GTF2E1: variants seen among roughly 807,000 people sequenced by gnomAD.
The protein encoded by GTF2E1 is TFIIE alpha subunit.
In GTF2E1, 14 loss-of-function variants were observed where a neutral mutation model predicts 34.9. That is an observed-to-expected ratio of 0.40 (90% CI 0.27 to 0.63). GTF2E1 has a LOEUF of 0.63. Ranked by LOEUF, GTF2E1 falls within the 20% of genes least tolerant of loss-of-function variation. GTF2E1 has a pLI of 0.39. For synonymous variants in GTF2E1, 188 were observed against 192.9 expected, an observed-to-expected ratio of 0.97 and a Z score of 0.21; for missense variants, 469 against 557.7, an observed-to-expected ratio of 0.84 and a Z score of 1.60.
intron 2 of GTF2E1, among the ~76,000 whole-genome samples, chr3:120,767,202 T>C (rs950991014): frequency 5.9e-5 from 9 of 152,160 alleles, no homozygotes; most frequent in African/African-American, 2.2e-4. Context: ...TCTCACATGT[T>C]ATGCATGTCT....
chr3:120,756,229 A>G (rs1709208108), intron 2 of GTF2E1, among the ~76,000 whole-genome samples: 1 of 152,212 alleles, frequency 6.6e-6, no homozygotes, highest in South Asian at 2.1e-4. Context: ...TCCCACCAAC[A>G]GTGTACGACA....
intron 2 of GTF2E1, among the ~76,000 whole-genome samples, chr3:120,755,848 T>G (rs1015807242): frequency 3.3e-5 from 5 of 152,158 alleles, no homozygotes; most frequent in African/African-American, 9.7e-5. Context: ...TCCCACAGAT[T>G]AGTGAGAAGG....
At chr3:120,768,079 A>AT (rs1179968077) in intron 2 of GTF2E1, among the ~76,000 whole-genome samples, 3 of 152,286 alleles carry the variant, frequency 2.0e-5, no homozygotes, top group South Asian at 2.1e-4. Context: ...TTGGGAGGAC[A>AT]TTTTTTTAAA....
chr3:120,782,513 A>G lies in GTF2E1; in HGVS notation c.*1043A>G, dbSNP rs1301279636. The G allele has an allele frequency of 6.6e-6, 1 of 152,264 alleles. No individual in the cohort carries two copies. The highest frequency in any genetic ancestry group is 1.5e-5 in the Non-Finnish European group (1 of 68,044). The allele number at this position is 152,264 out of a possible 1,614,324, so 9.4% of individuals were successfully genotyped here. On this transcript the variant is annotated 3_prime_UTR_variant, in exon 5 of 5. Coordinates refer to ENST00000283875, the MANE Select transcript of GTF2E1 (RefSeq NM_005513.3). ...ACAAGAAGTCTCTGTGAAGGGTTGA[A>G]GAGTGACAAGCATTGGTAACAGTGC...
At chr3:120,772,275 T>C (rs1161582757) in intron 3 of GTF2E1, among the ~76,000 whole-genome samples, 1 of 152,174 alleles carries the variant, frequency 6.6e-6, no homozygotes. Flanking sequence ...AACCAGCAGC[T>C]GGCAAAGGAA....
At chr3:120,766,962 A>G (rs765289542) in intron 2 of GTF2E1, among the ~76,000 whole-genome samples, 1 of 152,122 alleles carries the variant, frequency 6.6e-6, no homozygotes, top group Non-Finnish European at 1.5e-5. Context: ...CTGCTGGTAT[A>G]TTAAACTGGT....
chr3:120,745,690 T>A (rs952202975), intron 1 of GTF2E1, among the ~76,000 whole-genome samples: 1 of 152,218 alleles, frequency 6.6e-6, no homozygotes, highest in African/African-American at 2.4e-5. Context: ...GGAAACAGGT[T>A]ATGTTGACAT....
chr3:120,749,032 T>C (rs973109569), intron 1 of GTF2E1, among the ~76,000 whole-genome samples: 7 of 152,354 alleles, frequency 4.6e-5, no homozygotes, highest in African/African-American at 1.7e-4. Flanking sequence ...GGGAGTTCAC[T>C]CATGATTTGG....
chr3:120,762,022 C>T (rs996266234), intron 2 of GTF2E1, among the ~76,000 whole-genome samples: 1 of 152,116 alleles, frequency 6.6e-6, no homozygotes, highest in African/African-American at 2.4e-5. Context: ...GATCTCCTGA[C>T]CTCGTGATCC....
At chr3:120,759,775 T>C (rs1241404242) in intron 2 of GTF2E1, among the ~76,000 whole-genome samples, 1 of 152,232 alleles carries the variant, frequency 6.6e-6, no homozygotes, top group Non-Finnish European at 1.5e-5. Context: ...TTCTGAGGCC[T>C]CTGTTCTGTT....
intron 3 of GTF2E1, among the ~76,000 whole-genome samples, chr3:120,775,085 C>T (rs16831653): frequency 0.011 from 1,668 of 152,130 alleles, 27 homozygotes; most frequent in African/African-American, 0.039. Flanking sequence ...GATACACGGA[C>T]ACAGACCTCA....
At chr3:120,759,653 A>G (rs192509475) in intron 2 of GTF2E1, among the ~76,000 whole-genome samples, 1 of 152,228 alleles carries the variant, frequency 6.6e-6, no homozygotes, top group Non-Finnish European at 1.5e-5. Context: ...AGCTTTCTAC[A>G]TAGGGCTAGC....
intron 2 of GTF2E1, among the ~76,000 whole-genome samples, chr3:120,767,874 C>T (rs1286480572): frequency 6.6e-6 from 1 of 152,000 alleles, no homozygotes; most frequent in Non-Finnish European, 1.5e-5. Flanking sequence ...AAATAAATTA[C>T]TCGAGTTAAA....
intron 1 of GTF2E1, among the ~76,000 whole-genome samples, chr3:120,744,005 T>A (rs1709082344): frequency 1.3e-5 from 2 of 152,088 alleles, no homozygotes; most frequent in Non-Finnish European, 2.9e-5. Flanking sequence ...ACAAAGGTCC[T>A]AGGAGGTCCC....
chr3:120,776,316 G>C, intron 3 of GTF2E1, 107 bp from the exon 4 acceptor site: 1 of 939,824 alleles, frequency 1.1e-6, no homozygotes, highest in Non-Finnish European at 1.6e-6. Context: ...TTGCTAGGTA[G>C]CATTTACATG....
chr3:120,776,792 G>C (rs776422995), intron 4 of GTF2E1, 128 bp downstream of exon 4: 48 of 753,982 alleles, frequency 6.4e-5, no homozygotes, highest in Non-Finnish European at 9.3e-5. Context: ...ATATTAGGAA[G>C]TAAGAAATTG....
chr3:120,752,730 A>G (rs1709176268), intron 2 of GTF2E1, among the ~76,000 whole-genome samples: 1 of 152,200 alleles, frequency 6.6e-6, no homozygotes, highest in South Asian at 2.1e-4. Context: ...GAGGGCATGA[A>G]AGTATTTTAT....
chr3:120,768,367 G>C (rs569078778), intron 2 of GTF2E1, among the ~76,000 whole-genome samples: 101 of 152,282 alleles, frequency 6.6e-4, no homozygotes, highest in African/African-American at 2.4e-3. Flanking sequence ...GAGTGTGCCT[G>C]ATGGGAGACA....
rs770348905 is a variant in GTF2E1 at position 120,770,720 on chromosome 3, C to G, written c.449-8C>G. ...CTCTCTGACCTGAGATACTTGTTTTCTCTGTAGGAACTTTCCGCTGTACTT... is the reference window on the plus strand; with the variant it reads ...CTCTCTGACCTGAGATACTTGTTTTGTCTGTAGGAACTTTCCGCTGTACTT... On this transcript the variant is annotated splice_region_variant and splice_polypyrimidine_tract_variant and intron_variant, in intron 2 of 4. Transcript: ENST00000283875. The G allele has an allele frequency of 6.2e-7, 1 of 1,608,854 alleles. No homozygotes were observed. Among genetic ancestry groups the G allele is most frequent in the South Asian group, 1.1e-5 (1 of 90,980 alleles).
Sources: allele counts gnomAD v4.1 joint callset (sites outside exome capture counted in the v4.1 genomes callset), GRCh38; gene constraint gnomAD v4.1.1; transcripts MANE v1.5; gene names NCBI Gene and HGNC (gene_info 2026-07-23, HGNC 2026-07-21).